ZNF480: variants seen among roughly 807,000 people sequenced by gnomAD.
The protein encoded by ZNF480 is zinc finger protein 480.
A neutral mutation model predicts 14.4 loss-of-function variants in ZNF480; 15 were observed. The observed-to-expected ratio is 1.04, with a 90% CI of 0.70 to 1.60. The LOEUF is 1.60. Ranked by LOEUF, ZNF480 falls within the 40% of genes most tolerant of loss-of-function variation. The probability of loss-of-function intolerance (pLI) is 0.00; values close to 1 mark genes in which losing one functional copy is unlikely to be tolerated. For missense variants in ZNF480, 593 were observed against 629.7 expected (o/e 0.94, Z 0.62); for synonymous variants, 218 against 215.5 (o/e 1.01, Z -0.10).
At chr19:52,319,110 C>T (rs954816877) in intron 4 of ZNF480, among the ~76,000 whole-genome samples, 8 of 152,032 alleles carry the variant, frequency 5.3e-5, no homozygotes, top group Non-Finnish European at 1.0e-4. Context: ...GCAATCTGCC[C>T]GCCTCGGCCT....
At chr19:52,318,903 A>G (rs779966489) in intron 4 of ZNF480, among the ~76,000 whole-genome samples, 3 of 151,764 alleles carry the variant, frequency 2.0e-5, no homozygotes, top group Non-Finnish European at 4.4e-5. Flanking sequence ...TCGCTCTGTC[A>G]TCCAAGCTGG....
chr19:52,322,385 G>T lies in ZNF480; in HGVS notation c.1135G>T (p.Val379Phe). 2 of 1,613,960 alleles carry T rather than the reference G, an allele frequency of 1.2e-6. No individual in the cohort carries two copies. Among genetic ancestry groups the T allele is most frequent in the Non-Finnish European group, 1.7e-6 (2 of 1,179,980 alleles). ...KPYKCNECGKVFIQNSHLAQH... is the reference protein window; with the variant it reads ...KPYKCNECGKFFIQNSHLAQH... ...TTACAAATGTAATGAATGTGGAAAG[G>T]TCTTTATTCAAAATTCGCACCTAGC... is the stretch of plus-strand genomic sequence containing the variant. Residue 379 changes from valine to phenylalanine, a missense_variant, in exon 5 of 5, where the codon GTC becomes TTC. By Grantham distance (50) the Val-to-Phe change is conservative. Coordinates refer to ENST00000595962, the MANE Select transcript of ZNF480 (RefSeq NM_144684.4).
chr19:52,299,227 T>G (rs1001144550), intron 1 of ZNF480, among the ~76,000 whole-genome samples: 3 of 152,196 alleles, frequency 2.0e-5, no homozygotes, highest in African/African-American at 7.2e-5. Context: ...AAAGTGTTTT[T>G]CCTACTCTTG....
At chr19:52,319,244 G>T (rs1328203229) in intron 4 of ZNF480, among the ~76,000 whole-genome samples, 1 of 152,146 alleles carries the variant, frequency 6.6e-6, no homozygotes, top group Admixed American at 6.6e-5. Flanking sequence ...TCATTTTGAA[G>T]GGCTCCCTGT....
At chr19:52,321,533 GC>G in intron 4 of ZNF480, 45 bp from the exon 5 acceptor site, 2 of 1,487,582 alleles carry the variant, frequency 1.3e-6, no homozygotes, top group Non-Finnish European at 1.8e-6. Flanking sequence ...CTCTAAACAT[GC>G]CAGAATTATG....
At chr19:52,313,371 C>T (rs1983384334) in intron 2 of ZNF480, among the ~76,000 whole-genome samples, 1 of 151,842 alleles carries the variant, frequency 6.6e-6, no homozygotes, top group African/African-American at 2.4e-5. Context: ...CTCCTGACCT[C>T]AGGTCATCTG....
rs1302777372 is a variant in ZNF480, at chr19:52,322,564, G to C, written c.1314G>C (p.Glu438Asp). 6.2e-7 allele frequency: 1 copy of C among 1,613,728 alleles called. No homozygotes were observed. Among genetic ancestry groups the C allele is most frequent in the African/African-American group, 1.3e-5 (1 of 74,904 alleles). Residue 438 changes from glutamate to aspartate, a missense_variant, in exon 5 of 5, where the codon GAG becomes GAC. Glu to Asp is a conservative substitution (Grantham distance 45). Coordinates refer to ENST00000595962, the MANE Select transcript of ZNF480 (RefSeq NM_144684.4). ...ATGAATGTGGTAAAGCATTTAGTGAGTATTCAGGCCTTTCAGCCCATCTTG... is the reference window on the plus strand; with the variant it reads ...ATGAATGTGGTAAAGCATTTAGTGACTATTCAGGCCTTTCAGCCCATCTTG... ...KCNECGKAFS[E>D]YSGLSAHLVI...
intron 2 of ZNF480, chr19:52,301,240 A>G (rs1982679706): frequency 6.6e-6 from 1 of 152,412 alleles, no homozygotes; most frequent in Admixed American, 6.5e-5. Flanking sequence ...CATCATTGAA[A>G]TCAGGGAGCC....
At chr19:52,300,541 C>T (rs1181688492) in intron 2 of ZNF480, 57 bp downstream of exon 2, 2 of 1,602,504 alleles carry the variant, frequency 1.2e-6, no homozygotes, top group Non-Finnish European at 1.7e-6. Context: ...AACGCTGGGC[C>T]TTCGAGTTGG....
In ZNF480 at chr19:52,321,875, A is replaced by G. The variant is rs1448005768; in HGVS notation, c.625A>G (p.Ser209Gly). 1.2e-6 allele frequency: 2 copies of G among 1,614,052 alleles called. No individual in the cohort carries two copies. The highest frequency in any genetic ancestry group is 1.6e-4 in the Middle Eastern group (1 of 6,084). The change falls in exon 5 of 5, where the codon AGC (serine) becomes GGC (glycine). Residue 209 changes from serine to glycine, a missense_variant. Transcript: ENST00000595962. ...AAAACCTTATGAATGTAATGAGCAT[A>G]GCAAAGTCTTTAGAGTATCTTCCAG... is the stretch of plus-strand genomic sequence containing the variant. Reference protein sequence around the residue: ...REKPYECNEHSKVFRVSSSLT... With the variant: ...REKPYECNEHGKVFRVSSSLT...
chr19:52,314,509 C>T (rs1289706750), intron 3 of ZNF480, among the ~76,000 whole-genome samples: 1 of 147,856 alleles, frequency 6.8e-6, no homozygotes, highest in Non-Finnish European at 1.5e-5. Context: ...CCAAAAAAAC[C>T]CTTATTGACT....
At chr19:52,309,535 G>A (rs1294559030) in intron 2 of ZNF480, among the ~76,000 whole-genome samples, 3 of 152,248 alleles carry the variant, frequency 2.0e-5, no homozygotes, top group Non-Finnish European at 4.4e-5. Flanking sequence ...AGACAAGACA[G>A]AAACTTGTCC....
chr19:52,309,926 A>G (rs776076937), intron 2 of ZNF480, among the ~76,000 whole-genome samples: 1 of 152,082 alleles, frequency 6.6e-6, no homozygotes, highest in Admixed American at 6.6e-5. Context: ...GTTAGGGGCC[A>G]TTTCCTAAGG....
At chr19:52,305,937 T>C (rs901333938) in intron 2 of ZNF480, among the ~76,000 whole-genome samples, 1 of 152,212 alleles carries the variant, frequency 6.6e-6, no homozygotes, top group African/African-American at 2.4e-5. Flanking sequence ...GATTTCTTTT[T>C]TCCCCCAACT....
intron 2 of ZNF480, 58 bp downstream of exon 2, chr19:52,300,542 T>C (rs1219032967): frequency 2.9e-5 from 47 of 1,602,220 alleles, no homozygotes; most frequent in Non-Finnish European, 3.9e-5. Context: ...ACGCTGGGCC[T>C]TCGAGTTGGG....
At chr19:52,299,158 C>A (rs1204274211) in intron 1 of ZNF480, among the ~76,000 whole-genome samples, 1 of 152,182 alleles carries the variant, frequency 6.6e-6, no homozygotes, top group Non-Finnish European at 1.5e-5. Flanking sequence ...GGGTCACCCA[C>A]TTTCCTTTTC....
intron 4 of ZNF480, chr19:52,317,555 G>A: frequency 6.6e-6 from 1 of 152,152 alleles, no homozygotes; most frequent in East Asian, 1.9e-4. Context: ...ATTATTAGTA[G>A]AGACAGGGTT....
intron 1 of ZNF480, 90 bp from the exon 2 acceptor site, chr19:52,300,304 C>A: frequency 7.3e-7 from 1 of 1,371,996 alleles, no homozygotes. Flanking sequence ...CATCTTTCCG[C>A]AGGGTGAGGT....
At chr19:52,309,257 G>A (rs1983152198) in intron 2 of ZNF480, among the ~76,000 whole-genome samples, 1 of 152,200 alleles carries the variant, frequency 6.6e-6, no homozygotes, top group Non-Finnish European at 1.5e-5. Flanking sequence ...GGTCAGCCCA[G>A]CTGGAGACTC....
Sources: gnomAD v4.1 joint callset for allele counts (sites outside exome capture counted in the v4.1 genomes callset) on GRCh38, gnomAD v4.1.1 for gene constraint, MANE v1.5 for transcripts, NCBI Gene and HGNC (gene_info 2026-07-23, HGNC 2026-07-21) for gene names.